THRB: variants seen among roughly 807,000 people sequenced by gnomAD.
THRB encodes thyroid hormone receptor beta.
Under a neutral mutation model 47.8 loss-of-function variants are expected in THRB, and 12 were observed. The observed-to-expected ratio is 0.25, with a 90% CI of 0.16 to 0.41. The LOEUF (loss-of-function observed/expected upper bound fraction) is 0.41, where lower values mean the gene tolerates loss of function less well. Ranked by LOEUF, THRB falls within the 10% of genes least tolerant of loss-of-function variation. The pLI is 1.00. For synonymous variants in THRB, 218 were observed against 212.2 expected (o/e 1.03, Z -0.24); for missense variants, 348 against 589.2 (o/e 0.59, Z 4.24).
intron 1 of THRB, among the ~76,000 whole-genome samples, chr3:24,376,806 A>G (rs2065328600): frequency 1.3e-5 from 2 of 152,214 alleles, no homozygotes; most frequent in Admixed American, 6.5e-5. Flanking sequence ...TTAAAGGAAG[A>G]CAATGACATC....
In THRB at chr3:24,225,282, T is replaced by C. The variant is rs995562856; in HGVS notation, c.22+3656A>G. ...GGGGTAACATCTGAAAGCTCCTATC[T>C]ATCTTGGCACGCATCCCTTCCCTGC... On this transcript the variant is annotated intron_variant, in intron 4 of 10. Coordinates refer to ENST00000646209, the MANE Select transcript of THRB (RefSeq NM_001354712.2). Among the ~76,000 whole-genome samples the C allele has an allele frequency of 2.7e-3, 408 of 152,280 alleles. 6 individuals are homozygous for C. The highest frequency in any genetic ancestry group is 6.5e-4 in the Non-Finnish European group (44 of 68,024).
chr3:24,226,979 G>A (rs114627835), intron 4 of THRB, among the ~76,000 whole-genome samples: 361 of 152,280 alleles, frequency 2.4e-3, no homozygotes, highest in Non-Finnish European at 4.0e-3. Flanking sequence ...TGATCCAGAG[G>A]AGCTGGAATG....
At chr3:24,416,625 C>T (rs1466870785) in intron 1 of THRB, among the ~76,000 whole-genome samples, 1 of 151,872 alleles carries the variant, frequency 6.6e-6, no homozygotes, top group Non-Finnish European at 1.5e-5. Context: ...TTCCTCTGCT[C>T]CAATTCTGTA....
chr3:24,476,628 C>T (rs1005056950), intron 1 of THRB, among the ~76,000 whole-genome samples: 1 of 152,094 alleles, frequency 6.6e-6, no homozygotes, highest in African/African-American at 2.4e-5. Flanking sequence ...CATAACCTGG[C>T]GAATTTCTTT....
chr3:24,377,445 G>A (rs1416478497), intron 1 of THRB, among the ~76,000 whole-genome samples: 2 of 46,756 alleles, frequency 4.3e-5, no homozygotes, highest in Non-Finnish European at 9.5e-5. Flanking sequence ...GTAAGGGTGA[G>A]GGGCTGATGG....
intron 1 of THRB, among the ~76,000 whole-genome samples, chr3:24,360,808 T>TC (rs2149643010): frequency 6.6e-6 from 1 of 152,312 alleles, no homozygotes; most frequent in South Asian, 2.1e-4. Flanking sequence ...ATTTTATATA[T>TC]CAGCTCTCTT....
intron 3 of THRB, among the ~76,000 whole-genome samples, chr3:24,282,714 A>G (rs2054751375): frequency 6.7e-6 from 1 of 149,466 alleles, no homozygotes; most frequent in Admixed American, 6.6e-5. Flanking sequence ...AAAAAGAGAG[A>G]ACAATCAAAT....
chr3:24,187,762 G>C (rs1431397806), intron 5 of THRB, among the ~76,000 whole-genome samples: 1 of 152,204 alleles, frequency 6.6e-6, no homozygotes, highest in Admixed American at 6.5e-5. Context: ...AAGCAGAGCA[G>C]ATGGAGAACC....
intron 1 of THRB, among the ~76,000 whole-genome samples, chr3:24,392,215 C>G (rs2066630430): frequency 6.6e-6 from 1 of 152,042 alleles, no homozygotes; most frequent in South Asian, 2.1e-4. Flanking sequence ...CTATTTTTTT[C>G]CCAGATGAAA....
intron 2 of THRB, among the ~76,000 whole-genome samples, chr3:24,320,244 G>C: frequency 6.6e-6 from 1 of 152,242 alleles, no homozygotes; most frequent in East Asian, 1.9e-4. Flanking sequence ...GAAGCCTGCT[G>C]TGTCTGCTAT....
chr3:24,330,572 A>G (rs1313267207), intron 2 of THRB, among the ~76,000 whole-genome samples: 2 of 152,198 alleles, frequency 1.3e-5, no homozygotes, highest in Non-Finnish European at 2.9e-5. Context: ...ACTGTTTTAC[A>G]GTTGGTGTGT....
chr3:24,126,301 A>AGCC (rs2032787931), intron 10 of THRB, among the ~76,000 whole-genome samples: 1 of 152,072 alleles, frequency 6.6e-6, no homozygotes, highest in Non-Finnish European at 1.5e-5. Context: ...GAATCTCCTA[A>AGCC]GCCCAGCAGG....
intron 1 of THRB, among the ~76,000 whole-genome samples, chr3:24,340,094 T>C (rs764214957): frequency 6.6e-6 from 1 of 152,228 alleles, no homozygotes; most frequent in Non-Finnish European, 1.5e-5. Context: ...TAATGCAAAT[T>C]GAAGGTTAAA....
At chr3:24,313,489 A>G (rs916787237) in intron 2 of THRB, among the ~76,000 whole-genome samples, 3 of 152,154 alleles carry the variant, frequency 2.0e-5, no homozygotes, top group African/African-American at 7.2e-5. Context: ...TCATATCTCA[A>G]TTGAACATTT....
At chr3:24,370,715 A>T (rs931748865) in intron 1 of THRB, among the ~76,000 whole-genome samples, 2 of 152,048 alleles carry the variant, frequency 1.3e-5, no homozygotes, top group Non-Finnish European at 2.9e-5. Context: ...CGGGCACTAT[A>T]TCACTACTCA....
intron 1 of THRB, among the ~76,000 whole-genome samples, chr3:24,364,785 G>C (rs771233522): frequency 6.6e-6 from 1 of 151,944 alleles, no homozygotes; most frequent in Non-Finnish European, 1.5e-5. Flanking sequence ...AACGTTTTTC[G>C]GACAAACAAC....
intron 6 of THRB, among the ~76,000 whole-genome samples, chr3:24,150,088 A>T (rs1277040787): frequency 3.9e-5 from 6 of 152,230 alleles, no homozygotes; most frequent in Non-Finnish European, 8.8e-5. Context: ...CTTTCTCTAA[A>T]AATAGTTTGC....
chr3:24,485,484 T>G (rs567006928), intron 1 of THRB, among the ~76,000 whole-genome samples: 1 of 152,224 alleles, frequency 6.6e-6, no homozygotes. Context: ...AGTCTCTAAC[T>G]GGGCTCATCA....
intron 1 of THRB, among the ~76,000 whole-genome samples, chr3:24,491,940 A>C (rs1475294195): frequency 6.6e-6 from 1 of 152,270 alleles, no homozygotes; most frequent in Non-Finnish European, 1.5e-5. Flanking sequence ...TCGCAGAAAT[A>C]GCTCTTTGCA....
Sources: allele counts gnomAD v4.1 joint callset (sites outside exome capture counted in the v4.1 genomes callset), GRCh38; gene constraint gnomAD v4.1.1; transcripts MANE v1.5; gene names NCBI Gene and HGNC (gene_info 2026-07-23, HGNC 2026-07-21).